DCAF5: variants seen among roughly 807,000 people sequenced by gnomAD.
DCAF5 encodes the protein DDB1 and CUL4 associated factor 5.
DCAF5 carries 9 observed loss-of-function variants against 80.7 expected under a neutral mutation model. The ratio of observed to expected loss-of-function variants is 0.11; its 90% confidence interval spans 0.07 to 0.19. DCAF5 has a LOEUF of 0.19. Ranked by LOEUF, DCAF5 falls within the 10% of genes least tolerant of loss-of-function variation. The pLI is 1.00. For synonymous variants in DCAF5, 433 were observed against 461.9 expected, an observed-to-expected ratio of 0.94 and a Z score of 0.80; for missense variants, 842 against 1,205.7, an observed-to-expected ratio of 0.70 and a Z score of 4.47.
chr14:69,087,353 T>C (rs962695073), intron 6 of DCAF5, among the ~76,000 whole-genome samples: 1 of 151,986 alleles, frequency 6.6e-6, no homozygotes, highest in Non-Finnish European at 1.5e-5. Context: ...AAAATCCAAG[T>C]AGGAAGTGAA....
chr14:69,137,145 A>C (rs1442513777), intron 1 of DCAF5, among the ~76,000 whole-genome samples: 5 of 152,192 alleles, frequency 3.3e-5, no homozygotes, highest in African/African-American at 1.2e-4. Flanking sequence ...TATGCTGATG[A>C]CTTGTATGAT....
At chr14:69,072,606 T>C (rs960179907) in intron 7 of DCAF5, among the ~76,000 whole-genome samples, 9 of 106,388 alleles carry the variant, frequency 8.5e-5, no homozygotes, top group Non-Finnish European at 1.7e-5. Context: ...CTGGGCAACA[T>C]AGCGAGACCC....
chr14:69,055,416 G>A lies in DCAF5; in HGVS notation c.1270C>T (p.Arg424Cys), dbSNP rs1392841236. 2 of 1,614,158 alleles carry A rather than the reference G, an allele frequency of 1.2e-6. No individual in the cohort carries two copies. The highest frequency in any genetic ancestry group is 2.2e-5 in the East Asian group (1 of 44,866). ...RMMAFFDSLV[R>C]REIEGWSSDS... ...GAGCTCCAGCCCTCGATCTCTCGGCGTACCAGTGAGTCAAAGAAGGCCATC... is the reference window on the plus strand; with the variant it reads ...GAGCTCCAGCCCTCGATCTCTCGGCATACCAGTGAGTCAAAGAAGGCCATC... Residue 424 changes from arginine (R) to cysteine (C), a missense_variant, in exon 9 of 9, where the codon CGC becomes TGC. Transcript: ENST00000341516. The surrounding 1 kb of genome is among the most constrained non-coding windows in gnomAD (Gnocchi z 5.6).
At chr14:69,086,371 AAAC>A (rs781070270) in intron 6 of DCAF5, among the ~76,000 whole-genome samples, 32 of 152,112 alleles carry the variant, frequency 2.1e-4, no homozygotes, top group Non-Finnish European at 4.6e-4. Flanking sequence ...ACAAACAAAC[AAAC>A]AACGACAACA....
chr14:69,134,428 A>T (rs892263369), intron 1 of DCAF5, among the ~76,000 whole-genome samples: 19 of 152,242 alleles, frequency 1.2e-4, no homozygotes, highest in Admixed American at 3.9e-4. Flanking sequence ...GACACTCCTT[A>T]TATATAACAA....
intron 8 of DCAF5, among the ~76,000 whole-genome samples, chr14:69,058,453 A>T (rs1796683620): frequency 6.6e-6 from 1 of 151,954 alleles, no homozygotes; most frequent in Non-Finnish European, 1.5e-5. Flanking sequence ...CAGGAGGAAA[A>T]GGTTGCAGTG....
intron 8 of DCAF5, among the ~76,000 whole-genome samples, chr14:69,059,565 G>A (rs1181990982): frequency 6.6e-6 from 1 of 152,222 alleles, no homozygotes; most frequent in African/African-American, 2.4e-5. Flanking sequence ...ACCAAGGGTC[G>A]AGACTCAGCG....
At chr14:69,059,961 C>A (rs2038143527) in intron 8 of DCAF5, among the ~76,000 whole-genome samples, 1 of 152,054 alleles carries the variant, frequency 6.6e-6, no homozygotes, top group African/African-American at 2.4e-5. Context: ...CAACATATGA[C>A]ATTTAGGGCA....
chr14:69,095,380 T>C (rs1262038168), intron 5 of DCAF5, among the ~76,000 whole-genome samples: 1 of 152,206 alleles, frequency 6.6e-6, no homozygotes, highest in African/African-American at 2.4e-5. Flanking sequence ...TACCCCAACC[T>C]ATCTTCATCC....
chr14:69,150,243 T>C (rs916524327), intron 1 of DCAF5, among the ~76,000 whole-genome samples: 9 of 151,494 alleles, frequency 5.9e-5, no homozygotes, highest in Non-Finnish European at 8.8e-5. Context: ...AGAGGGAGTA[T>C]GGGGGGAAGG....
chr14:69,118,141 C>T lies in DCAF5; in HGVS notation c.533G>A (p.Gly178Glu). Residue 178 changes from glycine to glutamate, a missense_variant and splice_region_variant, in exon 4 of 9, where the codon GGA becomes GAA. This residue lies in a region of DCAF5 where 142 missense variants were observed against 311.9 expected (regional missense o/e 0.46). Transcript: ENST00000341516. The surrounding 1 kb of genome is among the most constrained non-coding windows in gnomAD (Gnocchi z 4.0). The stretch of plus-strand genomic sequence containing the variant: ...AGTCATTTGCACAGTGAGCCTACCT[C>T]CATGGGGGGATTCCCGAATGTCCCA... Reference protein sequence around the residue: ...LIWDIRESPHGEPFCLANYPS... With the variant: ...LIWDIRESPHEEPFCLANYPS... 1.9e-6 allele frequency: 3 copies of T among 1,613,906 alleles called. No homozygotes were observed. Among genetic ancestry groups the T allele is most frequent in the Non-Finnish European group, 2.5e-6 (3 of 1,179,830 alleles).
chr14:69,060,176 A>G (rs1042412211), intron 8 of DCAF5, among the ~76,000 whole-genome samples: 1 of 152,134 alleles, frequency 6.6e-6, no homozygotes, highest in East Asian at 1.9e-4. Flanking sequence ...AAAGCAATGC[A>G]AGGGACTGGG....
chr14:69,142,049 C>T (rs796974837), intron 1 of DCAF5, among the ~76,000 whole-genome samples: 9 of 152,264 alleles, frequency 5.9e-5, no homozygotes, highest in African/African-American at 2.2e-4. Flanking sequence ...AATCCCAGCA[C>T]CTTGGAAGGC....
At chr14:69,088,916 G>A (rs1233950494) in intron 6 of DCAF5, among the ~76,000 whole-genome samples, 2 of 152,200 alleles carry the variant, frequency 1.3e-5, no homozygotes, top group African/African-American at 4.8e-5. Flanking sequence ...TGCCTTGAGT[G>A]TGGAAAGTCA....
intron 8 of DCAF5, 117 bp downstream of exon 8, chr14:69,062,267 A>T (rs920828538): frequency 7.2e-6 from 8 of 1,118,364 alleles, no homozygotes; most frequent in Non-Finnish European, 1.0e-5. Context: ...AAAATCTGAG[A>T]ATTCTGATAG....
At chr14:69,149,465 A>C (rs894853870) in intron 1 of DCAF5, 1 of 152,182 alleles carries the variant, frequency 6.6e-6, no homozygotes, top group Admixed American at 6.5e-5. Context: ...GGTTTACTCA[A>C]TATCTGCTGG....
Position 69,055,219 on chromosome 14 carries a change from G to A in DCAF5, c.1467C>T (p.Thr489=), listed in dbSNP as rs2037915655. 6.2e-7 allele frequency: 1 copy of A among 1,614,088 alleles called. No homozygotes were observed. The highest frequency in any genetic ancestry group is 1.3e-5 in the African/African-American group (1 of 74,934). ...GAGTTGAGGCTACTGTGTTTGTGGT[G>A]GTGACCCGCAGGGGCCCCAGGTGGA... ...NAFHLGPLRV[T]TTNTVASTPP... The change falls in exon 9 of 9, where the codon ACC becomes ACT. Residue 489 remains threonine (T), a synonymous_variant. Coordinates refer to ENST00000341516, the MANE Select transcript of DCAF5 (RefSeq NM_003861.3). This position sits in a 1 kb window ranked among gnomAD's most constrained non-coding sequence, Gnocchi z 5.6.
intron 6 of DCAF5, chr14:69,083,812 C>T: frequency 1.4e-6 from 1 of 718,048 alleles, no homozygotes; most frequent in Non-Finnish European, 2.6e-6. Flanking sequence ...TGCCAAGTCT[C>T]CTAAAGAAAC....
At chr14:69,114,822 C>T (rs1222623417) in intron 5 of DCAF5, among the ~76,000 whole-genome samples, 1 of 151,972 alleles carries the variant, frequency 6.6e-6, no homozygotes, top group Non-Finnish European at 1.5e-5. Flanking sequence ...TGGGGGAGGG[C>T]CCATATAATG....
Sources: allele counts gnomAD v4.1 joint callset (sites outside exome capture counted in the v4.1 genomes callset), GRCh38; gene constraint gnomAD v4.1.1; regional missense constraint gnomAD v4.1.1; non-coding constraint Gnocchi (gnomAD v3.1); transcripts MANE v1.5; gene names NCBI Gene and HGNC (gene_info 2026-07-23, HGNC 2026-07-21).